SLC28A3: variants seen among roughly 807,000 people sequenced by gnomAD.
SLC28A3 encodes concentrative Na(+)-nucleoside cotransporter 3.
SLC28A3 carries 68 observed loss-of-function variants against 84.2 expected under a neutral mutation model. That is an observed-to-expected ratio of 0.81 (90% CI 0.66 to 0.99). The LOEUF (loss-of-function observed/expected upper bound fraction) is 0.99. SLC28A3 is among the 50% of genes least tolerant of loss of function. The pLI is 0.00. For synonymous variants in SLC28A3, 267 were observed against 303.6 expected (o/e 0.88, Z 1.25); for missense variants, 712 against 841.5 (o/e 0.85, Z 1.90).
chr9:84,363,126 C>T, the SLC28A3 span, among the ~76,000 whole-genome samples: 163 of 152,218 alleles, frequency 1.1e-3, no homozygotes, highest in Non-Finnish European at 2.0e-3. Context: ...CATTCAAGTT[C>T]ATAAACCCTT....
the SLC28A3 span, among the ~76,000 whole-genome samples, chr9:84,351,228 C>G: frequency 6.6e-6 from 1 of 152,200 alleles, no homozygotes; most frequent in African/African-American, 2.4e-5. Context: ...TCAGGATCAT[C>G]AAGATGTCAC....
At chr9:84,289,937 C>CAGAT in intron 11 of SLC28A3, 1 of 398,114 alleles carries the variant, frequency 2.5e-6, no homozygotes. Flanking sequence ...TTTTATTCTG[C>CAGAT]AGATAGAACT....
chr9:84,320,021 T>C (rs1322676653), intron 1 of SLC28A3, among the ~76,000 whole-genome samples: 3 of 150,480 alleles, frequency 2.0e-5, no homozygotes, highest in Non-Finnish European at 4.4e-5. Context: ...TGTTTACTCA[T>C]TCCAGCCTGG....
At chr9:84,345,035 G>C (rs976723882), upstream of SLC28A3, among the ~76,000 whole-genome samples, 1 of 152,022 alleles carries the variant, frequency 6.6e-6, no homozygotes, top group African/African-American at 2.4e-5. Flanking sequence ...TCTTTTCATC[G>C]ACATACCCAT....
At chr9:84,355,380 A>G in the SLC28A3 span, among the ~76,000 whole-genome samples, 1 of 152,050 alleles carries the variant, frequency 6.6e-6, no homozygotes, top group East Asian at 1.9e-4. Context: ...CAAGATTACA[A>G]TGAGCTATGA....
intron 8 of SLC28A3, among the ~76,000 whole-genome samples, chr9:84,296,722 A>G (rs1264953434): frequency 7.7e-6 from 1 of 130,394 alleles, no homozygotes; most frequent in East Asian, 1.9e-4. Context: ...ATGCTGAAGG[A>G]GAGATGAGAA....
chr9:84,301,468 T>A (rs144386469), intron 5 of SLC28A3, among the ~76,000 whole-genome samples: 3 of 151,986 alleles, frequency 2.0e-5, no homozygotes, highest in Admixed American at 2.0e-4. Flanking sequence ...ATATCTCCCA[T>A]TGAATAAAAT....
At chr9:84,285,794 G>T (rs1439563178) in intron 13 of SLC28A3, 149 bp downstream of exon 13, 9 of 971,386 alleles carry the variant, frequency 9.3e-6, no homozygotes, top group Admixed American at 2.8e-5. Flanking sequence ...ACAGAGAAAA[G>T]GTGGGTGGGA....
chr9:84,305,139 G>T, intron 4 of SLC28A3, 115 bp downstream of exon 4: 1 of 847,730 alleles, frequency 1.2e-6, no homozygotes, highest in Non-Finnish European at 1.8e-6. Flanking sequence ...GATTCAGTGA[G>T]GTCCCAGAGA....
At chr9:84,359,084 C>T in the SLC28A3 span, among the ~76,000 whole-genome samples, 1 of 152,040 alleles carries the variant, frequency 6.6e-6, no homozygotes, top group Non-Finnish European at 1.5e-5. Flanking sequence ...AATGACAGCA[C>T]CTTCTGTTTC....
upstream of SLC28A3, among the ~76,000 whole-genome samples, chr9:84,342,163 A>G (rs1465219130): frequency 6.7e-6 from 1 of 150,322 alleles, no homozygotes; most frequent in Non-Finnish European, 1.5e-5. Context: ...AAAGAAAAAG[A>G]AAAAGTAAGA....
At chr9:84,328,293 G>A (rs573661788) in intron 1 of SLC28A3, among the ~76,000 whole-genome samples, 108 of 150,200 alleles carry the variant, frequency 7.2e-4, no homozygotes, top group Middle Eastern at 3.5e-3. Context: ...TTTGAAGAAC[G>A]GATTTTAAAA....
In SLC28A3 at chr9:84,315,045, C is replaced by T. The variant is rs144953509; in HGVS notation, c.61-1591G>A. On this transcript the variant is annotated intron_variant, in intron 1 of 17. Transcript: ENST00000376238. ...TGAGCTGAGATCACACCACTCTGCACTCCAGCCTGGGCGACAGAGCGAGAC... is the reference window on the plus strand; with the variant it reads ...TGAGCTGAGATCACACCACTCTGCATTCCAGCCTGGGCGACAGAGCGAGAC... 7.4e-3 allele frequency among the ~76,000 whole-genome samples: 1,123 copies of T among 152,256 alleles called. 14 individuals carry two copies. Among genetic ancestry groups the T allele is most frequent in the Non-Finnish European group, 0.011 (764 of 68,018 alleles).
intron 10 of SLC28A3, among the ~76,000 whole-genome samples, chr9:84,292,236 A>G (rs1031841688): frequency 2.6e-5 from 4 of 152,206 alleles, no homozygotes; most frequent in Non-Finnish European, 5.9e-5. Context: ...ATTTCGAGAT[A>G]GTGAAATCCA....
At chr9:84,339,059 A>G (rs1415113888) in intron 1 of SLC28A3, among the ~76,000 whole-genome samples, 2 of 152,036 alleles carry the variant, frequency 1.3e-5, no homozygotes, top group African/African-American at 4.8e-5. Context: ...ACCTCGATAA[A>G]TTAACCCTTA....
At position 84,297,978 on chromosome 9, in the gene SLC28A3, A is replaced by G. The variant is rs1178750888; in HGVS notation, c.711T>C (p.Phe237=). 2.4e-5 allele frequency: 39 copies of G among 1,612,940 alleles called. No individual in the cohort carries two copies. The highest frequency in any genetic ancestry group is 3.1e-5 in the Non-Finnish European group (37 of 1,179,814). ...RPVLWGIGLQ[F]LLGLLILRTD... ...TCCTTAGAATCAAGAGCCCAAGAAG[A>G]AACTGTAGCCCGATTCCCCATAAGA... Residue 237 remains phenylalanine (F), a synonymous_variant, in exon 7 of 18, where the codon TTT becomes TTC. Transcript: ENST00000376238.
At chr9:84,353,916 TA>T in the SLC28A3 span, among the ~76,000 whole-genome samples, 1 of 152,322 alleles carries the variant, frequency 6.6e-6, no homozygotes, top group African/African-American at 2.4e-5. Flanking sequence ...TCATTCCAGG[TA>T]AATCCCATTC....
chr9:84,320,051 T>TTTTG (rs1564170426), intron 1 of SLC28A3, among the ~76,000 whole-genome samples: 29 of 130,550 alleles, frequency 2.2e-4, no homozygotes, highest in Non-Finnish European at 3.4e-4. Context: ...TTTTTTTTTT[T>TTTTG]TTTTTTTTTT....
At chr9:84,313,271 G>A (rs1386972435) in intron 2 of SLC28A3, 88 bp downstream of exon 2, 17 of 1,106,912 alleles carry the variant, frequency 1.5e-5, no homozygotes, top group East Asian at 9.6e-5. Flanking sequence ...CCAGTGGGGC[G>A]CCATGCTTTC....
Sources: gnomAD v4.1 joint callset for allele counts (sites outside exome capture counted in the v4.1 genomes callset) on GRCh38, gnomAD v4.1.1 for gene constraint, MANE v1.5 for transcripts, NCBI Gene and HGNC (gene_info 2026-07-23, HGNC 2026-07-21) for gene names.